The following CSMD3 variants were observed in gnomAD, a reference collection of about 807,000 sequenced individuals.
The protein encoded by CSMD3 is CUB and Sushi multiple domains 3, also known as CUB and sushi domain-containing protein 3.
In CSMD3, 177 loss-of-function variants were observed where a neutral mutation model predicts 435.2. That is an observed-to-expected ratio of 0.41 (90% CI 0.36 to 0.46). CSMD3 has a LOEUF of 0.46. Ranked by LOEUF, CSMD3 falls within the 20% of genes least tolerant of loss-of-function variation. The pLI is 0.34. For synonymous variants in CSMD3, 1,656 were observed against 1,520.5 expected, an observed-to-expected ratio of 1.09 and a Z score of -2.07; for missense variants, 4,265 against 4,504.6, an observed-to-expected ratio of 0.95 and a Z score of 1.52.
At chr8:112,235,153 T>G (rs574945224) in intron 67 of CSMD3, among the ~76,000 whole-genome samples, 1 of 152,140 alleles carries the variant, frequency 6.6e-6, no homozygotes, top group Admixed American at 6.5e-5. Context: ...ATGGTCTGAA[T>G]CCAAAAGTAT....
chr8:113,187,741 C>T (rs866840097), intron 3 of CSMD3, among the ~76,000 whole-genome samples: 2 of 151,896 alleles, frequency 1.3e-5, no homozygotes, highest in African/African-American at 4.8e-5. Context: ...GTAGGTAACT[C>T]CCCTTCATCC....
intron 22 of CSMD3, among the ~76,000 whole-genome samples, chr8:112,603,862 T>C (rs1219609363): frequency 2.6e-5 from 4 of 152,092 alleles, no homozygotes; most frequent in African/African-American, 9.7e-5. Context: ...GCATGATGAA[T>C]GTGTAAGGAA....
rs990015997 is a variant in CSMD3 at position 112,750,086 on chromosome 8, T to C, written c.1972+50076A>G. On this transcript the variant is annotated intron_variant, in intron 13 of 70. Coordinates refer to ENST00000297405, the MANE Select transcript of CSMD3 (RefSeq NM_198123.2). ...TAAAAACGAGCCTTCTGCAAGCACA[T>C]AAGTCGATGTAGAGTGTGGTCCCTA... Among the ~76,000 whole-genome samples the C allele has an allele frequency of 2.6e-5, 4 of 151,954 alleles. No homozygotes were observed. The East Asian group carries it at 5.8e-4, about 22-fold the overall frequency.
intron 10 of CSMD3, among the ~76,000 whole-genome samples, chr8:112,914,640 T>C (rs2082522609): frequency 6.6e-6 from 1 of 151,620 alleles, no homozygotes; most frequent in African/African-American, 2.4e-5. Context: ...AGGATAAAAG[T>C]TTATCTCTTT....
intron 3 of CSMD3, among the ~76,000 whole-genome samples, chr8:113,236,096 T>C (rs147174350): frequency 8.9e-4 from 136 of 152,300 alleles, no homozygotes; most frequent in African/African-American, 3.0e-3. Flanking sequence ...AGTAAGCTTT[T>C]CCTCATTTGA....
chr8:112,518,599 T>TA (rs1173482248), intron 27 of CSMD3, among the ~76,000 whole-genome samples: 2 of 148,244 alleles, frequency 1.3e-5, no homozygotes, highest in African/African-American at 5.0e-5. Flanking sequence ...AGATCTTTTA[T>TA]AAAAAATGGT....
rs867625029 is a variant in CSMD3 at position 112,380,963 on chromosome 8, C to T, written c.6032-507G>A. On this transcript the variant is annotated intron_variant, in intron 37 of 70. Coordinates refer to ENST00000297405, the MANE Select transcript of CSMD3 (RefSeq NM_198123.2). ...GGCTTCTGATTGTCAAAGTGATAAC[C>T]AGTTTTAACTGCCTGTATGTACCAG... Among the ~76,000 whole-genome samples, 4 of 151,964 alleles carry T rather than the reference C, an allele frequency of 2.6e-5. No homozygotes were observed. The South Asian group carries it at 8.3e-4, about 32-fold the overall frequency.
intron 11 of CSMD3, among the ~76,000 whole-genome samples, chr8:112,837,710 C>T (rs1337813498): frequency 6.6e-6 from 1 of 151,566 alleles, no homozygotes; most frequent in Non-Finnish European, 1.5e-5. Flanking sequence ...CCATTTGATT[C>T]CAAGATAAGA....
At chr8:112,873,598 A>G (rs570412271) in intron 10 of CSMD3, among the ~76,000 whole-genome samples, 62 of 152,176 alleles carry the variant, frequency 4.1e-4, no homozygotes, top group Middle Eastern at 6.8e-3. Flanking sequence ...AGCTTAAGGT[A>G]TAATATCTAC....
chr8:113,235,427 CAG>C (rs1161886964), intron 3 of CSMD3, among the ~76,000 whole-genome samples: 3 of 152,014 alleles, frequency 2.0e-5, no homozygotes, highest in Admixed American at 6.6e-5. Flanking sequence ...ACCTTTTACA[CAG>C]AGTCAGGTAT....
At chr8:112,312,166 A>T (rs750472136) in intron 49 of CSMD3, among the ~76,000 whole-genome samples, 15 of 152,334 alleles carry the variant, frequency 9.8e-5, no homozygotes, top group Non-Finnish European at 1.8e-4. Context: ...CAACACTTTA[A>T]TAAAAAGATA....
At chr8:113,301,025 T>C (rs2093762025) in intron 2 of CSMD3, among the ~76,000 whole-genome samples, 1 of 152,108 alleles carries the variant, frequency 6.6e-6, no homozygotes, top group Non-Finnish European at 1.5e-5. Context: ...ATCTTACAAA[T>C]TAACATAATT....
At chr8:112,781,778 C>T (rs2078393728) in intron 13 of CSMD3, among the ~76,000 whole-genome samples, 1 of 152,160 alleles carries the variant, frequency 6.6e-6, no homozygotes, top group East Asian at 1.9e-4. Flanking sequence ...GAACAAGTGA[C>T]TCTGCCTGGT....
At chr8:112,405,449 TTC>T (rs1831765151) in intron 35 of CSMD3, among the ~76,000 whole-genome samples, 3 of 150,912 alleles carry the variant, frequency 2.0e-5, no homozygotes, top group Non-Finnish European at 4.4e-5. Context: ...TTTCCCTACT[TTC>T]TATATTTTCT....
chr8:112,587,215 T>C lies in CSMD3; in HGVS notation c.3736A>G (p.Thr1246Ala). ...RCVAECGASA[T>A]NNEGILLSPN... ...GACAGCAAAATTCCTTCATTATTCG[T>C]TGCAGATGCACCACATTCAGCTGCA... The change falls in exon 23 of 71, where the codon ACG becomes GCG. Residue 1246 changes from threonine (T) to alanine (A), a missense_variant. Physicochemically the swap from Thr to Ala is moderately conservative, Grantham distance 58 (BLOSUM62 0). This residue lies in a region of CSMD3 where 3,255 missense variants were observed against 3,380.2 expected (regional missense o/e 0.96). Coordinates refer to ENST00000297405, the MANE Select transcript of CSMD3 (RefSeq NM_198123.2). The C allele has an allele frequency of 1.2e-6, 2 of 1,609,730 alleles. No homozygotes were observed. Among genetic ancestry groups the C allele is most frequent in the Non-Finnish European group, 8.5e-7 (1 of 1,176,854 alleles).
At chr8:112,844,500 G>T (rs1429877805) in intron 11 of CSMD3, among the ~76,000 whole-genome samples, 1 of 151,930 alleles carries the variant, frequency 6.6e-6, no homozygotes, top group Non-Finnish European at 1.5e-5. Context: ...ATGTTTTGAA[G>T]CAACATCAAG....
At chr8:113,370,012 CAAT>C (rs957563625) in intron 1 of CSMD3, among the ~76,000 whole-genome samples, 7 of 151,596 alleles carry the variant, frequency 4.6e-5, no homozygotes, top group Admixed American at 1.3e-4. Flanking sequence ...TGACTATAGT[CAAT>C]GATGATATAC....
chr8:112,442,544 T>G (rs570443608), intron 32 of CSMD3, among the ~76,000 whole-genome samples: 4 of 152,286 alleles, frequency 2.6e-5, no homozygotes, highest in South Asian at 4.1e-4. Flanking sequence ...ATATTTTTCT[T>G]TTACTTTTAC....
At chr8:112,536,836 G>T (rs978523993) in intron 27 of CSMD3, among the ~76,000 whole-genome samples, 2 of 151,892 alleles carry the variant, frequency 1.3e-5, no homozygotes, top group Admixed American at 6.6e-5. Flanking sequence ...ATACTATGCA[G>T]CCATAAAAAA....
Sources: allele counts gnomAD v4.1 joint callset (sites outside exome capture counted in the v4.1 genomes callset), GRCh38; gene constraint gnomAD v4.1.1; regional missense constraint gnomAD v4.1.1; transcripts MANE v1.5; gene names NCBI Gene and HGNC (gene_info 2026-07-23, HGNC 2026-07-21).